Variants in CPNE5 observed in about 807,000 individuals in gnomAD.
CPNE5 encodes the protein copine 5.
CPNE5 carries 42 observed loss-of-function variants against 81.1 expected under a neutral mutation model. The observed-to-expected ratio is 0.52, with a 90% CI of 0.40 to 0.67. The LOEUF is 0.67. CPNE5 is among the 30% of genes least tolerant of loss of function. CPNE5 has a pLI of 0.00. For missense variants in CPNE5, 612 were observed against 815.5 expected, an observed-to-expected ratio of 0.75 and a Z score of 3.04; for synonymous variants, 313 against 321.5, an observed-to-expected ratio of 0.97 and a Z score of 0.28.
At chr6:36,810,886 C>A (rs897820482) in intron 3 of CPNE5, among the ~76,000 whole-genome samples, 1 of 152,180 alleles carries the variant, frequency 6.6e-6, no homozygotes, top group Admixed American at 6.5e-5. Flanking sequence ...GACAGGGGCC[C>A]TGAGTTAGGG....
chr6:36,835,121 GCCGCGTCTT>G (rs1219273761), intron 1 of CPNE5, among the ~76,000 whole-genome samples: 1 of 152,358 alleles, frequency 6.6e-6, no homozygotes, highest in African/African-American at 2.4e-5. Context: ...GACTCGCCCC[GCCGCGTCTT>G]CCCTGGGTCT....
chr6:36,778,788 C>G, intron 9 of CPNE5, 66 bp downstream of exon 9: 1 of 1,100,482 alleles, frequency 9.1e-7, no homozygotes, highest in Non-Finnish European at 1.4e-6. Context: ...GTCACCACCA[C>G]CCGTCCGTCC....
At chr6:36,833,225 T>C (rs929268073) in intron 1 of CPNE5, among the ~76,000 whole-genome samples, 1 of 152,146 alleles carries the variant, frequency 6.6e-6, no homozygotes, top group African/African-American at 2.4e-5. Flanking sequence ...CTTGGCCAAG[T>C]CCCTTCACCT....
intron 10 of CPNE5, among the ~76,000 whole-genome samples, chr6:36,770,815 C>T (rs1766976861): frequency 6.6e-6 from 1 of 152,110 alleles, no homozygotes; most frequent in Non-Finnish European, 1.5e-5. Context: ...AGCAGCAGCT[C>T]GTTTTCAAAC....
chr6:36,752,868 G>C lies in CPNE5; in HGVS notation c.971+166C>G, dbSNP rs141922283. ...GGGATCTGGGGATGTGCAGGGCTCT[G>C]GATGAGTTGTCTCAGCCCAAACACC... On this transcript the variant is annotated intron_variant, in intron 14 of 20. Coordinates refer to ENST00000244751, the MANE Select transcript of CPNE5 (RefSeq NM_020939.2). Among the ~76,000 whole-genome samples the C allele has an allele frequency of 3.0e-4, 46 of 152,370 alleles. No homozygotes were observed. The East Asian group carries it at 8.9e-3, about 29-fold the overall frequency.
At chr6:36,792,232 G>A in intron 7 of CPNE5, 136 bp from the exon 8 acceptor site, 1 of 1,214,076 alleles carries the variant, frequency 8.2e-7, no homozygotes, top group Non-Finnish European at 1.2e-6. Context: ...CCCCTGAGAA[G>A]ACAGAGTCTC....
intron 6 of CPNE5, among the ~76,000 whole-genome samples, chr6:36,797,730 C>G (rs905382636): frequency 1.3e-5 from 2 of 152,210 alleles, no homozygotes; most frequent in Admixed American, 1.3e-4. Context: ...CCTCACTGTA[C>G]CCAGCTCTGG....
intron 3 of CPNE5, among the ~76,000 whole-genome samples, chr6:36,817,247 C>A (rs576857360): frequency 3.3e-5 from 5 of 152,146 alleles, no homozygotes. Flanking sequence ...ATCATTTGAA[C>A]CTGGGAGGCA....
At chr6:36,822,963 T>G in intron 2 of CPNE5, 95 bp downstream of exon 2, 1 of 1,014,620 alleles carries the variant, frequency 9.9e-7, no homozygotes, top group Non-Finnish European at 1.4e-6. Context: ...GCCTGGCACA[T>G]GGTTAGTGCT....
intron 1 of CPNE5, among the ~76,000 whole-genome samples, chr6:36,834,268 A>C (rs1314592721): frequency 1.5e-5 from 2 of 129,580 alleles, no homozygotes; most frequent in East Asian, 4.2e-4. Context: ...AAAAAAAAAA[A>C]AAAAAAAAAA....
At chr6:36,793,389 G>A (rs943634337) in intron 7 of CPNE5, among the ~76,000 whole-genome samples, 1 of 152,174 alleles carries the variant, frequency 6.6e-6, no homozygotes, top group African/African-American at 2.4e-5. Context: ...CAGCTGAGCT[G>A]AGTGCCTCAA....
chr6:36,826,224 C>T (rs1772492446), intron 1 of CPNE5, among the ~76,000 whole-genome samples: 1 of 152,088 alleles, frequency 6.6e-6, no homozygotes, highest in African/African-American at 2.4e-5. Context: ...ATGGGGCTTT[C>T]CCTGGTCCTG....
Position 36,801,767 on chromosome 6 carries a change from G to A in CPNE5, c.184-1697C>T, listed in dbSNP as rs565320802. Among the ~76,000 whole-genome samples the A allele has an allele frequency of 9.5e-4, 145 of 152,322 alleles. No individual in the cohort carries two copies. In the Middle Eastern group the frequency reaches 0.01, roughly 11 times the overall value. ...ATCTAAAGTGGCCAAATTCATCGAT[G>A]CAGAAAGTAGAATGGCAGTGACCAG... is the stretch of plus-strand genomic sequence containing the variant. On this transcript the variant is annotated intron_variant, in intron 3 of 20. Transcript: ENST00000244751.
intron 8 of CPNE5, among the ~76,000 whole-genome samples, chr6:36,782,167 G>C (rs1284266916): frequency 6.6e-6 from 1 of 152,134 alleles, no homozygotes; most frequent in Admixed American, 6.5e-5. Context: ...AGCCTTCCCA[G>C]CCCTGGCCAG....
chr6:36,838,277 A>G (rs1451195724), intron 1 of CPNE5, among the ~76,000 whole-genome samples: 1 of 152,192 alleles, frequency 6.6e-6, no homozygotes, highest in Non-Finnish European at 1.5e-5. Context: ...ATTTCGAACA[A>G]GGGCACAGCC....
chr6:36,748,806 A>C (rs567384849), intron 14 of CPNE5, among the ~76,000 whole-genome samples: 1 of 152,360 alleles, frequency 6.6e-6, no homozygotes, highest in African/African-American at 2.4e-5. Context: ...ACAGAGGAAC[A>C]CATTAAATGA....
Position 36,798,502 on chromosome 6 carries a change from G to A in CPNE5, c.288-8C>T, listed in dbSNP as rs6941005. 8.5e-4 allele frequency: 1,370 copies of A among 1,613,856 alleles called. 11 individuals carry two copies. In the African/African-American group the frequency reaches 0.016, roughly 18 times the overall value. On this transcript the variant is annotated splice_region_variant and splice_polypyrimidine_tract_variant and intron_variant, in intron 4 of 20. Transcript: ENST00000244751. ...TTAGAGTCAACGTCGTATCTGCAGG[G>A]AACACAGAGAAACGATGAAGGCAGC...
At position 36,836,913 on chromosome 6, in the gene CPNE5, C is replaced by A. The variant is rs185985654; in HGVS notation, c.95+2370G>T. ...CTCCCCACCAAAACCCACTTCCCCC[C>A]ACCTCTGGCTTTCTGGAGAACATGA... On this transcript the variant is annotated intron_variant, in intron 1 of 20. Coordinates refer to ENST00000244751, the MANE Select transcript of CPNE5 (RefSeq NM_020939.2). Among the ~76,000 whole-genome samples, 101 of 152,322 alleles carry A rather than the reference C, an allele frequency of 6.6e-4. 4 individuals carry two copies. The East Asian group carries it at 0.016, about 24-fold the overall frequency.
intron 3 of CPNE5, among the ~76,000 whole-genome samples, chr6:36,818,215 A>G (rs1561816802): frequency 6.6e-6 from 1 of 152,168 alleles, no homozygotes; most frequent in African/African-American, 2.4e-5. Context: ...ATTTAAAAAA[A>G]TCCAAATGAC....
Sources: allele counts gnomAD v4.1 joint callset (sites outside exome capture counted in the v4.1 genomes callset), GRCh38; gene constraint gnomAD v4.1.1; transcripts MANE v1.5; gene names NCBI Gene and HGNC (gene_info 2026-07-23, HGNC 2026-07-21).